THSD4: variants seen among roughly 807,000 people sequenced by gnomAD.
THSD4 encodes the protein thrombospondin type 1 domain containing 4, also known as thrombospondin type-1 domain-containing protein 4.
A neutral mutation model predicts 119.0 loss-of-function variants in THSD4; 69 were observed. That is an observed-to-expected ratio of 0.58 (90% CI 0.48 to 0.71). The LOEUF (loss-of-function observed/expected upper bound fraction) is 0.71, where lower values mean the gene tolerates loss of function less well. THSD4 is among the 30% of genes least tolerant of loss of function. The pLI, the probability that THSD4 is intolerant of heterozygous loss-of-function variation, is 0.00. For missense variants in THSD4, 1,393 were observed against 1,391.1 expected, an observed-to-expected ratio of 1.00 and a Z score of -0.02; for synonymous variants, 524 against 540.4, an observed-to-expected ratio of 0.97 and a Z score of 0.42.
intron 7 of THSD4, among the ~76,000 whole-genome samples, chr15:71,487,584 A>G (rs537050580): frequency 2.3e-4 from 35 of 152,350 alleles, no homozygotes; most frequent in Middle Eastern, 3.4e-3. Context: ...TTATGTTTGC[A>G]GTTCCCCTTA....
chr15:71,748,437 G>T lies in THSD4; in HGVS notation c.2258G>T (p.Gly753Val), dbSNP rs199560393. The T allele has an allele frequency of 6.2e-7, 1 of 1,614,080 alleles. No homozygotes were observed. Among genetic ancestry groups the T allele is most frequent in the African/African-American group, 1.3e-5 (1 of 74,926 alleles). ...GTGTTTCAGTGCTCGGTGCCCTGCG[G>T]CGTGGGACAGAGGACCCGTGATGTG... is the stretch of plus-strand genomic sequence containing the variant. The part of the protein sequence containing the change: ...TDWTSCSVPC[G>V]VGQRTRDVKC... Residue 753 changes from glycine (G) to valine (V), a missense_variant, in exon 14 of 18, where the codon GGC becomes GTC. Gly to Val is a moderately radical substitution (Grantham distance 109, BLOSUM62 -3). Transcript: ENST00000261862.
At chr15:71,130,845 C>T (rs759571967) in intron 1 of THSD4, among the ~76,000 whole-genome samples, 6 of 152,284 alleles carry the variant, frequency 3.9e-5, no homozygotes, top group South Asian at 2.1e-4. Flanking sequence ...CCCGGGTTCA[C>T]GCCATTCTCC....
rs371122082 is a variant in THSD4, at chr15:71,272,432, T to C, written c.1015+15717T>C. ...AAAAAAAAAAAAAAAAAGAAAGAAG[T>C]GGGGAGGGAGGGGCAAAGGACCTGA... On this transcript the variant is annotated intron_variant, in intron 6 of 17. Coordinates refer to ENST00000261862, the MANE Select transcript of THSD4 (RefSeq NM_024817.3). Among the ~76,000 whole-genome samples the C allele has an allele frequency of 3.0e-4, 31 of 103,100 alleles. 1 individual carries two copies. In the South Asian group the frequency reaches 9.6e-3, roughly 32 times the overall value. 67.6% of individuals were successfully genotyped at this position (103,100 alleles called of 152,430 possible).
chr15:71,546,721 G>T (rs2048843131), intron 7 of THSD4, among the ~76,000 whole-genome samples: 1 of 152,204 alleles, frequency 6.6e-6, no homozygotes, highest in Admixed American at 6.5e-5. Context: ...TATACAACTG[G>T]TGCACAAACA....
chr15:71,727,623 A>ACACACACACACAC (rs2052885714), intron 8 of THSD4, among the ~76,000 whole-genome samples: 1 of 129,794 alleles, frequency 7.7e-6, no homozygotes, highest in African/African-American at 3.1e-5. Flanking sequence ...CACACACACA[A>ACACACACACACAC]GCCAGGCATG....
chr15:71,738,191 A>C (rs1422548709), intron 11 of THSD4, 184 bp downstream of exon 11: 1 of 729,056 alleles, frequency 1.4e-6, no homozygotes, highest in Non-Finnish European at 2.2e-6. Flanking sequence ...ATCGCAGATC[A>C]TCAGGCATTA....
chr15:71,373,817 C>T (rs1277830045), intron 6 of THSD4, among the ~76,000 whole-genome samples: 1 of 152,204 alleles, frequency 6.6e-6, no homozygotes, highest in African/African-American at 2.4e-5. Flanking sequence ...TCACGAAAGA[C>T]AGTGTTCCCG....
intron 17 of THSD4, among the ~76,000 whole-genome samples, chr15:71,776,169 G>GT (rs1237528116): frequency 6.6e-6 from 1 of 152,108 alleles, no homozygotes; most frequent in Non-Finnish European, 1.5e-5. Flanking sequence ...GTACAGAAGG[G>GT]TTTTTTAAAT....
intron 7 of THSD4, among the ~76,000 whole-genome samples, chr15:71,511,157 CAG>C (rs80155044): frequency 0.17 from 25,955 of 152,060 alleles, 2,282 homozygotes; most frequent in Admixed American, 0.18. Context: ...TAATGGGAAA[CAG>C]AGAGAACAAA....
chr15:71,594,618 C>G (rs992960624), intron 7 of THSD4, among the ~76,000 whole-genome samples: 1 of 152,172 alleles, frequency 6.6e-6, no homozygotes, highest in Non-Finnish European at 1.5e-5. Flanking sequence ...AGGCCTCTTC[C>G]CTGGGGTCTC....
At chr15:71,437,062 G>A (rs1055773271) in intron 7 of THSD4, among the ~76,000 whole-genome samples, 5 of 152,226 alleles carry the variant, frequency 3.3e-5, no homozygotes, top group African/African-American at 1.2e-4. Flanking sequence ...GAAGCATGGT[G>A]TTGGCATCTG....
At chr15:71,378,936 A>G (rs2046188409) in intron 6 of THSD4, among the ~76,000 whole-genome samples, 1 of 152,084 alleles carries the variant, frequency 6.6e-6, no homozygotes, top group African/African-American at 2.4e-5. Context: ...GTTGCATGCC[A>G]CAATGCTGGG....
chr15:71,230,897 C>T (rs1465430874), intron 4 of THSD4, among the ~76,000 whole-genome samples: 1 of 152,230 alleles, frequency 6.6e-6, no homozygotes, highest in Admixed American at 6.5e-5. Flanking sequence ...TCAGATTCAT[C>T]TCCTTGCTGG....
chr15:71,666,580 A>G (rs1019637878), intron 8 of THSD4, among the ~76,000 whole-genome samples: 1 of 152,196 alleles, frequency 6.6e-6, no homozygotes, highest in Non-Finnish European at 1.5e-5. Flanking sequence ...ACTGGACATT[A>G]TTTATTAATA....
intron 4 of THSD4, among the ~76,000 whole-genome samples, chr15:71,230,093 G>A (rs913578610): frequency 1.3e-5 from 2 of 152,108 alleles, no homozygotes; most frequent in African/African-American, 4.8e-5. Flanking sequence ...ACCTGCCGGG[G>A]GTCAGCCTCT....
At chr15:71,258,218 G>A (rs572861912) in intron 6 of THSD4, among the ~76,000 whole-genome samples, 1 of 152,240 alleles carries the variant, frequency 6.6e-6, no homozygotes, top group African/African-American at 2.4e-5. Context: ...TTGCACTATT[G>A]CCCAGGCTGG....
At chr15:71,672,386 G>A (rs2051550308) in intron 8 of THSD4, among the ~76,000 whole-genome samples, 1 of 152,202 alleles carries the variant, frequency 6.6e-6, no homozygotes, top group Non-Finnish European at 1.5e-5. Context: ...GAGATTTGGG[G>A]CTGAGACGAT....
chr15:71,217,616 C>A (rs2043945042), intron 4 of THSD4, among the ~76,000 whole-genome samples: 1 of 150,004 alleles, frequency 6.7e-6, no homozygotes, highest in Non-Finnish European at 1.5e-5. Flanking sequence ...GAGAGAGACT[C>A]CGTCTCAAAA....
chr15:71,569,223 C>A (rs1453779640), intron 7 of THSD4, among the ~76,000 whole-genome samples: 1 of 152,074 alleles, frequency 6.6e-6, no homozygotes, highest in African/African-American at 2.4e-5. Flanking sequence ...GAGTGCTGAC[C>A]CACACGGAGG....
Sources: gnomAD v4.1 joint callset for allele counts (sites outside exome capture counted in the v4.1 genomes callset) on GRCh38, gnomAD v4.1.1 for gene constraint, MANE v1.5 for transcripts, NCBI Gene and HGNC (gene_info 2026-07-23, HGNC 2026-07-21) for gene names.